PCBP3: variants seen among roughly 807,000 people sequenced by gnomAD.
PCBP3 encodes the protein poly(rC)-binding protein 3.
In PCBP3, 25 loss-of-function variants were observed where a neutral mutation model predicts 52.7. That is an observed-to-expected ratio of 0.47 (90% CI 0.35 to 0.66). PCBP3 has a LOEUF of 0.66. Among genes scored for constraint, PCBP3 ranks in the 30% least tolerant of loss-of-function variants. The pLI is 0.01. For missense variants in PCBP3, 391 were observed against 490.3 expected, an observed-to-expected ratio of 0.80 and a Z score of 1.91; for synonymous variants, 162 against 183.0, an observed-to-expected ratio of 0.89 and a Z score of 0.93.
intron 1 of PCBP3, among the ~76,000 whole-genome samples, chr21:45,655,727 A>G (rs1290778745): frequency 6.6e-6 from 1 of 152,208 alleles, no homozygotes; most frequent in Non-Finnish European, 1.5e-5. Flanking sequence ...CAGGCAACCT[A>G]CAGAATGGGA....
chr21:45,926,192 C>G (rs191167124), intron 13 of PCBP3, among the ~76,000 whole-genome samples: 1 of 152,198 alleles, frequency 6.6e-6, no homozygotes, highest in African/African-American at 2.4e-5. Context: ...TGAGAAATTC[C>G]TGTTGCCTGG....
At chr21:45,869,310 C>T (rs1016196407) in intron 5 of PCBP3, 7 of 152,280 alleles carry the variant, frequency 4.6e-5, no homozygotes, top group Admixed American at 2.0e-4. Flanking sequence ...CGTCTGCAGT[C>T]GTGGCTGCTT....
At position 45,853,039 on chromosome 21, in the gene PCBP3, G is replaced by A. The variant is rs79544192; in HGVS notation, c.10+2944G>A. ...CACTTCCCACAGCTGAGACCAGCAG[G>A]AGCGGGCAGTGGACTCGCACCAGGC... On this transcript the variant is annotated intron_variant, in intron 5 of 17. Transcript: ENST00000681687. This position sits in a 1 kb window ranked among gnomAD's most constrained non-coding sequence, Gnocchi z 4.6. Among the ~76,000 whole-genome samples the A allele has an allele frequency of 2.1e-3, 320 of 152,322 alleles. 2 individuals are homozygous for A. The highest frequency in any genetic ancestry group is 7.1e-3 in the African/African-American group (295 of 41,568).
intron 2 of PCBP3, among the ~76,000 whole-genome samples, chr21:45,723,635 G>C (rs1420648532): frequency 6.6e-6 from 1 of 152,216 alleles, no homozygotes; most frequent in East Asian, 1.9e-4. Context: ...AGATATGAAA[G>C]TGAAATGAAA....
At chr21:45,693,390 C>A (rs1387120998) in intron 2 of PCBP3, among the ~76,000 whole-genome samples, 1 of 151,988 alleles carries the variant, frequency 6.6e-6, no homozygotes, top group African/African-American at 2.4e-5. Flanking sequence ...TCTAAAATGA[C>A]AAAAAGCATG....
At chr21:45,675,505 T>G (rs1321939027) in intron 2 of PCBP3, among the ~76,000 whole-genome samples, 1 of 152,234 alleles carries the variant, frequency 6.6e-6, no homozygotes, top group Non-Finnish European at 1.5e-5. Context: ...TGTGACCCAC[T>G]GAGGGCAGTA....
At chr21:45,669,803 G>GTATATATATA (rs1394969213) in intron 2 of PCBP3, among the ~76,000 whole-genome samples, 9 of 54,386 alleles carry the variant, frequency 1.7e-4, no homozygotes, top group South Asian at 6.9e-4. Flanking sequence ...GTGTGTGTGT[G>GTATATATATA]TGTATATATA....
chr21:45,840,770 A>G (rs2093684386), intron 4 of PCBP3, among the ~76,000 whole-genome samples: 1 of 152,084 alleles, frequency 6.6e-6, no homozygotes, highest in Non-Finnish European at 1.5e-5. Context: ...ATGTGCCACC[A>G]TGCCTGGCTA....
At chr21:45,915,098 C>T (rs2073159119) in intron 12 of PCBP3, 1 of 152,290 alleles carries the variant, frequency 6.6e-6, no homozygotes, top group African/African-American at 2.4e-5. Flanking sequence ...ACACTGGCCT[C>T]GTCTCCACAG....
intron 3 of PCBP3, among the ~76,000 whole-genome samples, chr21:45,740,925 G>T (rs1334001741): frequency 6.6e-6 from 1 of 152,220 alleles, no homozygotes; most frequent in Non-Finnish European, 1.5e-5. Flanking sequence ...GGAAAGCTGT[G>T]GAAAGCTTGT....
At chr21:45,940,279 G>C in intron 17 of PCBP3, 80 bp downstream of exon 17, 3 of 1,302,032 alleles carry the variant, frequency 2.3e-6, no homozygotes. Flanking sequence ...GACGGTCGGG[G>C]GGTGGGAGGA....
intron 4 of PCBP3, among the ~76,000 whole-genome samples, chr21:45,816,358 C>T (rs1030585422): frequency 6.6e-6 from 1 of 151,952 alleles, no homozygotes; most frequent in Non-Finnish European, 1.5e-5. Context: ...GCTTAAAACA[C>T]AAACACATTG....
chr21:45,867,629 C>CAG (rs1185469598), intron 5 of PCBP3, among the ~76,000 whole-genome samples: 1 of 152,256 alleles, frequency 6.6e-6, no homozygotes, highest in Admixed American at 6.5e-5. Flanking sequence ...GATTGTTTAT[C>CAG]AGAGAGAGAG....
chr21:45,720,142 C>T (rs1484396350), intron 2 of PCBP3, among the ~76,000 whole-genome samples: 1 of 152,088 alleles, frequency 6.6e-6, no homozygotes, highest in African/African-American at 2.4e-5. Flanking sequence ...CATAGGTATA[C>T]GTCTGCCATG....
chr21:45,900,122 C>T (rs1170838182), intron 7 of PCBP3, among the ~76,000 whole-genome samples: 1 of 152,204 alleles, frequency 6.6e-6, no homozygotes, highest in African/African-American at 2.4e-5. Context: ...TCACCGCTTC[C>T]GGGGGTCCTT....
intron 4 of PCBP3, chr21:45,761,211 T>TC (rs1313392685): frequency 6.6e-6 from 1 of 152,230 alleles, no homozygotes; most frequent in Non-Finnish European, 1.5e-5. Context: ...AGGACATTGT[T>TC]CCTTGGGTCC....
chr21:45,845,545 A>C (rs2093790188), intron 4 of PCBP3, among the ~76,000 whole-genome samples: 1 of 148,590 alleles, frequency 6.7e-6, no homozygotes, highest in South Asian at 2.1e-4. Flanking sequence ...GTGTGTATGC[A>C]TGTGTGTGAG....
At position 45,909,435 on chromosome 21, in the gene PCBP3, G is replaced by C; in HGVS notation, c.420G>C (p.Gln140His). Residue 140 changes from glutamine (Q) to histidine (H), a missense_variant, in exon 10 of 18, where the codon CAG becomes CAC. Coordinates refer to ENST00000681687, the MANE Select transcript of PCBP3 (RefSeq NM_001384156.1). The stretch of plus-strand genomic sequence containing the variant: ...TGAGGCTGGTGGTGCCTGCCAGCCA[G>C]TGTGGGTCCCTGATCGGCAAAGGAG... ...VTLRLVVPAS[Q>H]CGSLIGKGGS... 1 of 1,613,592 alleles carries C rather than the reference G, an allele frequency of 6.2e-7. No homozygotes were observed. Among genetic ancestry groups the C allele is most frequent in the East Asian group, 2.2e-5 (1 of 44,880 alleles).
intron 9 of PCBP3, among the ~76,000 whole-genome samples, chr21:45,902,974 C>T (rs1314968014): frequency 6.6e-6 from 1 of 152,230 alleles, no homozygotes; most frequent in Non-Finnish European, 1.5e-5. Flanking sequence ...TCCACGAGTA[C>T]ACAAATAATC....
Sources: allele counts gnomAD v4.1 joint callset (sites outside exome capture counted in the v4.1 genomes callset), GRCh38; gene constraint gnomAD v4.1.1; non-coding constraint Gnocchi (gnomAD v3.1); transcripts MANE v1.5; gene names NCBI Gene and HGNC (gene_info 2026-07-23, HGNC 2026-07-21).